The following HIPK3 variants were observed in gnomAD, a reference collection of about 807,000 sequenced individuals.
The protein encoded by HIPK3 is homeodomain interacting protein kinase 3.
In HIPK3, 47 loss-of-function variants were observed where a neutral mutation model predicts 124.2. That is an observed-to-expected ratio of 0.38 (90% CI 0.30 to 0.48). The LOEUF (loss-of-function observed/expected upper bound fraction) is 0.48, where lower values mean the gene tolerates loss of function less well. Among genes scored for constraint, HIPK3 ranks in the 20% least tolerant of loss-of-function variants. The pLI, the probability that HIPK3 is intolerant of heterozygous loss-of-function variation, is 0.98. For missense variants in HIPK3, 1,286 were observed against 1,454.3 expected, an observed-to-expected ratio of 0.88 and a Z score of 1.88; for synonymous variants, 482 against 515.2, an observed-to-expected ratio of 0.94 and a Z score of 0.87.
rs1853243805 is a variant in HIPK3, at chr11:33,338,890, G to A, written c.1428+47G>A. 1 of 1,333,494 alleles carries A rather than the reference G, an allele frequency of 7.5e-7. No homozygotes were observed. Among genetic ancestry groups the A allele is most frequent in the Admixed American group, 1.8e-5 (1 of 56,882 alleles). 82.6% of individuals were successfully genotyped at this position (1,333,494 alleles called of 1,614,324 possible). A position where few individuals can be genotyped will look rare whatever the true frequency, so the allele number is the denominator to read the frequency against. On this transcript the variant is annotated intron_variant, in intron 5 of 16. Coordinates refer to ENST00000303296, the MANE Select transcript of HIPK3 (RefSeq NM_005734.5). ...GTTCATCTTACATGCTTAGATGGTA[G>A]ACTTGAATGCCAAGGGGCCCAAAAC...
At position 33,340,855 on chromosome 11, in the gene HIPK3, G is replaced by T. The variant is rs895001244; in HGVS notation, c.1614-113G>T. On this transcript the variant is annotated intron_variant, in intron 6 of 16. Transcript: ENST00000303296. ...ACTATTGGAAATAAGCAGATTAAGT[G>T]CAAATTAGGATTTTTTTCTTTTAGG... The T allele has an allele frequency of 2.3e-5, 13 of 575,914 alleles. No individual in the cohort carries two copies. In the African/African-American group the frequency reaches 2.3e-4, roughly 10 times the overall value. 35.7% of individuals were successfully genotyped at this position (575,914 alleles called of 1,614,324 possible). A position where few individuals can be genotyped will look rare whatever the true frequency, so the allele number is the denominator to read the frequency against.
chr11:33,351,894 T>G (rs1853672896), intron 15 of HIPK3, 51 bp downstream of exon 15: 1 of 1,449,342 alleles, frequency 6.9e-7, no homozygotes, highest in African/African-American at 1.4e-5. Flanking sequence ...ACGGTCTTAA[T>G]TTAGGAAAAT....
At chr11:33,292,664 A>G (rs1851729337) in intron 2 of HIPK3, among the ~76,000 whole-genome samples, 2 of 152,158 alleles carry the variant, frequency 1.3e-5, no homozygotes, top group Admixed American at 6.6e-5. Context: ...TTGTTTGGGA[A>G]CCTTTATTAG....
Position 33,356,067 on chromosome 11 carries a change from G to T in HIPK3, c.*2499G>T, listed in dbSNP as rs1178139617. On this transcript the variant is annotated 3_prime_UTR_variant, in exon 17 of 17. Coordinates refer to ENST00000303296, the MANE Select transcript of HIPK3 (RefSeq NM_005734.5). ...AAACACCAAGTGCAAAGGATTGATT[G>T]TATCACAACAGGTACAAAACTGACA... 6.6e-6 allele frequency: 1 copy of T among 151,978 alleles called. No individual in the cohort carries two copies. The highest frequency in any genetic ancestry group is 1.5e-5 in the Non-Finnish European group (1 of 67,900). 9.4% of individuals were successfully genotyped at this position (151,978 alleles called of 1,614,324 possible).
chr11:33,294,079 G>A (rs898218709), intron 2 of HIPK3, among the ~76,000 whole-genome samples: 5 of 151,772 alleles, frequency 3.3e-5, no homozygotes, highest in African/African-American at 9.7e-5. Flanking sequence ...GTTTGAACCC[G>A]GGAGGCGGAG....
At chr11:33,276,228 TCTAA>T (rs1452579902) in intron 1 of HIPK3, among the ~76,000 whole-genome samples, 1 of 151,942 alleles carries the variant, frequency 6.6e-6, no homozygotes, top group East Asian at 1.9e-4. Flanking sequence ...TCCCTTTAAC[TCTAA>T]CTAATTGCAT....
chr11:33,304,041 T>C (rs965153028), intron 2 of HIPK3, among the ~76,000 whole-genome samples: 1 of 152,080 alleles, frequency 6.6e-6, no homozygotes, highest in African/African-American at 2.4e-5. Context: ...CCCAGGTTCA[T>C]GCGATTCCTC....
intron 2 of HIPK3, among the ~76,000 whole-genome samples, chr11:33,294,127 C>A (rs1590367557): frequency 6.7e-6 from 1 of 149,598 alleles, no homozygotes. Context: ...GCACTCCAGC[C>A]TGGGCAACAG....
chr11:33,317,477 A>T (rs980270178), intron 2 of HIPK3, among the ~76,000 whole-genome samples: 2 of 150,936 alleles, frequency 1.3e-5, no homozygotes, highest in Non-Finnish European at 2.9e-5. Context: ...ATATTATCTG[A>T]GGTGGTCTTG....
intron 2 of HIPK3, among the ~76,000 whole-genome samples, chr11:33,311,172 C>T (rs1019592119): frequency 9.2e-5 from 14 of 152,200 alleles, no homozygotes; most frequent in African/African-American, 2.4e-4. Context: ...GATGACTTTG[C>T]GCATTGTTTT....
intron 1 of HIPK3, among the ~76,000 whole-genome samples, chr11:33,270,355 CT>C (rs1285442908): frequency 2.0e-5 from 3 of 151,888 alleles, no homozygotes; most frequent in Non-Finnish European, 4.4e-5. Flanking sequence ...GTCACCCAGG[CT>C]GTAGTGCAAT....
At chr11:33,336,932 A>G (rs931865052) in intron 3 of HIPK3, 143 bp from the exon 4 acceptor site, 10 of 441,264 alleles carry the variant, frequency 2.3e-5, no homozygotes, top group African/African-American at 1.0e-4. Context: ...TTTTTTCCAT[A>G]TATGTTCTCC....
At chr11:33,344,103 A>G (rs774149788) in intron 8 of HIPK3, among the ~76,000 whole-genome samples, 1 of 152,178 alleles carries the variant, frequency 6.6e-6, no homozygotes, top group Non-Finnish European at 1.5e-5. Flanking sequence ...AGGTGTTACT[A>G]TTTTACCATA....
At chr11:33,339,576 A>AG in intron 6 of HIPK3, 42 bp downstream of exon 6, 2 of 1,349,900 alleles carry the variant, frequency 1.5e-6, no homozygotes, top group South Asian at 1.4e-5. Flanking sequence ...CTAAAAAAAA[A>AG]TAAGTCTGTA....
intron 2 of HIPK3, among the ~76,000 whole-genome samples, chr11:33,320,668 A>C (rs1246951851): frequency 2.6e-5 from 4 of 152,172 alleles, no homozygotes; most frequent in Non-Finnish European, 4.4e-5. Flanking sequence ...AGTCAATGGA[A>C]TTTGCTGATG....
intron 1 of HIPK3, among the ~76,000 whole-genome samples, chr11:33,264,316 C>T (rs775936028): frequency 6.6e-6 from 1 of 152,058 alleles, no homozygotes; most frequent in African/African-American, 2.4e-5. Context: ...CAAAGGATTG[C>T]CAAGGCTGGT....
chr11:33,343,748 G>A (rs1223749639), intron 8 of HIPK3, among the ~76,000 whole-genome samples: 1 of 152,098 alleles, frequency 6.6e-6, no homozygotes, highest in African/African-American at 2.4e-5. Context: ...TATCGGGGTA[G>A]CTTTATTTTC....
At chr11:33,279,326 A>G (rs1398829042) in intron 1 of HIPK3, among the ~76,000 whole-genome samples, 2 of 28,906 alleles carry the variant, frequency 6.9e-5, no homozygotes, top group African/African-American at 3.4e-4. Context: ...CTTTGTCTCA[A>G]AAAAAAAAAA....
At position 33,348,689 on chromosome 11, in the gene HIPK3, A is replaced by C; in HGVS notation, c.2537A>C (p.Asp846Ala). Reference sequence around the variant, plus strand: ...GAAACATCTATCAGACAGGACTCTGATTCATCAGTTTCAGACAAACAGCGG... The same window carrying C: ...GAAACATCTATCAGACAGGACTCTGCTTCATCAGTTTCAGACAAACAGCGG... ...CCETSIRQDS[D>A]SSVSDKQRQT... The change falls in exon 13 of 17, where the codon GAT (aspartate) becomes GCT (alanine). Residue 846 changes from aspartate to alanine, a missense_variant. Coordinates refer to ENST00000303296, the MANE Select transcript of HIPK3 (RefSeq NM_005734.5). 2 of 1,614,216 alleles carry C rather than the reference A, an allele frequency of 1.2e-6. No individual in the cohort carries two copies. Among genetic ancestry groups the C allele is most frequent in the Non-Finnish European group, 1.7e-6 (2 of 1,180,044 alleles).
Sources: allele counts gnomAD v4.1 joint callset (sites outside exome capture counted in the v4.1 genomes callset), GRCh38; gene constraint gnomAD v4.1.1; transcripts MANE v1.5; gene names NCBI Gene and HGNC (gene_info 2026-07-23, HGNC 2026-07-21).